The following RYR1 variants were observed in gnomAD, a reference collection of about 807,000 sequenced individuals.
RYR1 encodes the protein central core disease of muscle.
In RYR1, 342 loss-of-function variants were observed where a neutral mutation model predicts 583.5. The ratio of observed to expected loss-of-function variants is 0.59; its 90% CI spans 0.54 to 0.64. RYR1 has a LOEUF of 0.64. Among genes scored for constraint, RYR1 ranks in the 30% least tolerant of loss-of-function variants. The pLI is 0.00. For missense variants in RYR1, 6,032 were observed against 6,917.2 expected (o/e 0.87, Z 4.54); for synonymous variants, 2,791 against 2,822.5 (o/e 0.99, Z 0.35).
intron 84 of RYR1, 107 bp downstream of exon 84, chr19:38,538,067 C>A: frequency 9.9e-7 from 1 of 1,007,902 alleles, no homozygotes; most frequent in Non-Finnish European, 1.5e-6. Context: ...TCAATGATGG[C>A]CACTCTCCAG....
In RYR1 at chr19:38,565,378, G is replaced by T. The variant is rs794727985; in HGVS notation, c.13044G>T (p.Ala4348=). The stretch of plus-strand genomic sequence containing the variant: ...TGACGCGCGCTGGGGCCGCTGGCGC[G>T]GGGGCGGCGGCGGGCGCGCTGGGCC... ...AAVTRAGAAG[A]GAAAGALGLL... The change falls in exon 91 of 106, where the codon GCG becomes GCT. Residue 4348 remains alanine, a synonymous_variant. Transcript: ENST00000359596. The surrounding 1 kb of genome is among the most constrained non-coding windows in gnomAD (Gnocchi z 4.7). 1 of 1,341,874 alleles carries T rather than the reference G, an allele frequency of 7.5e-7. No homozygotes were observed. Among genetic ancestry groups the T allele is most frequent in the South Asian group, 2.0e-5 (1 of 51,232 alleles). The allele number at this position is 1,341,874 out of a possible 1,614,324, so 83.1% of individuals were successfully genotyped here.
chr19:38,503,670 G>A (rs1166264655), intron 49 of RYR1, among the ~76,000 whole-genome samples: 1 of 152,102 alleles, frequency 6.6e-6, no homozygotes, highest in Non-Finnish European at 1.5e-5. Context: ...CTACTCTGGA[G>A]GCTGAGGCTG....
chr19:38,525,803 C>G (rs1420254268), intron 71 of RYR1, among the ~76,000 whole-genome samples: 2 of 151,632 alleles, frequency 1.3e-5, no homozygotes, highest in Admixed American at 6.6e-5. Flanking sequence ...CACTGCCCCC[C>G]CACCGGACCA....
In RYR1 at chr19:38,443,588, C is replaced by T; in HGVS notation, c.301C>T (p.Leu101=). 6.2e-7 allele frequency: 1 copy of T among 1,614,098 alleles called. No homozygotes were observed. Among genetic ancestry groups the T allele is most frequent in the Non-Finnish European group, 8.5e-7 (1 of 1,179,996 alleles). The change falls in exon 4 of 106, where the codon CTG becomes TTG. Residue 101 remains leucine, a synonymous_variant. Coordinates refer to ENST00000359596, the MANE Select transcript of RYR1 (RefSeq NM_000540.3). ...CCAGGGCGGGGGACACAGGACGCTC[C>T]TGTATGGCCATGCCATCCTGCTCCG... ...SSQGGGHRTL[L]YGHAILLRHA...
At chr19:38,515,977 A>C in intron 64 of RYR1, 110 bp from the exon 65 acceptor site, 1 of 1,314,618 alleles carries the variant, frequency 7.6e-7, no homozygotes, top group Non-Finnish European at 1.0e-6. Flanking sequence ...GATGAATGGC[A>C]GCTCTGTCCC....
chr19:38,565,840 TGGGTGGAGACACACA>T lies in RYR1; in HGVS notation c.13437+70_13437+84del. On this transcript the variant is annotated intron_variant, in intron 91 of 105. Coordinates refer to ENST00000359596, the MANE Select transcript of RYR1 (RefSeq NM_000540.3). The surrounding 1 kb of genome is among the most constrained non-coding windows in gnomAD (Gnocchi z 4.7). The stretch of plus-strand genomic sequence containing the variant: ...ATTGGAGGGAGGAAGAGAGCCCGGC[TGGGTGGAGACACACA>T]CAGAGGAGAGAACTGGCTAGGGGGA... 4 of 1,345,484 alleles carry T rather than the reference TGGGTGGAGACACACA, an allele frequency of 3.0e-6. No individual in the cohort carries two copies. Among genetic ancestry groups the T allele is most frequent in the Non-Finnish European group, 3.8e-6 (4 of 1,053,568 alleles). The allele number at this position is 1,345,484 out of a possible 1,614,324, so 83.3% of individuals were successfully genotyped here. A position where few individuals can be genotyped will look rare whatever the true frequency, so the allele number is the denominator to read the frequency against.
chr19:38,496,304 A>G lies in RYR1; in HGVS notation c.6638A>G (p.Asn2213Ser). 8 of 1,614,022 alleles carry G rather than the reference A, an allele frequency of 5.0e-6. No individual in the cohort carries two copies. Among genetic ancestry groups the G allele is most frequent in the Non-Finnish European group, 6.8e-6 (8 of 1,180,024 alleles). Reference protein sequence around the residue: ...MHETVMEVMVNVLGGGESKEI... With the variant: ...MHETVMEVMVSVLGGGESKEI... ...GAGACGGTCATGGAGGTCATGGTCA[A>G]CGTCCTCGGGGGCGGCGAGTCCAAG... The change falls in exon 40 of 106, where the codon AAC becomes AGC. Residue 2213 changes from asparagine to serine, a missense_variant. Asn to Ser is a conservative substitution (Grantham distance 46, BLOSUM62 1). This residue lies in a region of RYR1 where 2,627 missense variants were observed against 2,961.3 expected (regional missense o/e 0.89). Transcript: ENST00000359596. The surrounding 1 kb of genome is among the most constrained non-coding windows in gnomAD (Gnocchi z 4.8).
chr19:38,515,927 C>T (rs373621075), intron 64 of RYR1, among the ~76,000 whole-genome samples, 160 bp from the exon 65 acceptor site: 40 of 152,114 alleles, frequency 2.6e-4, no homozygotes, highest in African/African-American at 9.2e-4. Context: ...AGTAACAGAG[C>T]GAGACCCTGT....
chr19:38,556,253 C>T (rs1398288247), intron 89 of RYR1, among the ~76,000 whole-genome samples: 5 of 151,770 alleles, frequency 3.3e-5, no homozygotes, highest in East Asian at 2.0e-4. Context: ...GAGGCCAAGG[C>T]GGGAGGATCA....
At chr19:38,493,427 A>G (rs1969645488) in intron 38 of RYR1, among the ~76,000 whole-genome samples, 1 of 152,102 alleles carries the variant, frequency 6.6e-6, no homozygotes. Context: ...ACTATGGGCC[A>G]GGCACTGTTA....
rs779289075 is a variant in RYR1 at position 38,504,737 on chromosome 19, G to A, written c.8068-11G>A. On this transcript the variant is annotated splice_polypyrimidine_tract_variant and intron_variant, in intron 50 of 105. Coordinates refer to ENST00000359596, the MANE Select transcript of RYR1 (RefSeq NM_000540.3). ...GCGACCTCCTACCCCTGCTTCACCC[G>A]GTTTTCCCAGAAATACGACCCGGAG... 2.5e-5 allele frequency: 40 copies of A among 1,613,754 alleles called. No individual in the cohort carries two copies. The highest frequency in any genetic ancestry group is 8.8e-5 in the South Asian group (8 of 91,062).
intron 33 of RYR1, among the ~76,000 whole-genome samples, chr19:38,485,200 T>G (rs1160274678): frequency 6.6e-6 from 1 of 152,216 alleles, no homozygotes; most frequent in East Asian, 1.9e-4. Flanking sequence ...CTACATGGAC[T>G]CTCAGACTCT....
chr19:38,486,195 C>CT lies in RYR1; in HGVS notation c.5540_5541insT (p.Leu1848ProfsTer10). On this transcript the variant is annotated frameshift_variant, in exon 34 of 106. Transcript: ENST00000359596. LOFTEE classifies it high-confidence loss of function. ...GTGCCTGTGCTCAAGCTCGTGTCCA[C>CT]CCTGCTGGTAATGGCTTCCTCCTGC... 1 of 1,612,932 alleles carries CT rather than the reference C, an allele frequency of 6.2e-7. No individual in the cohort carries two copies. Among genetic ancestry groups the CT allele is most frequent in the Non-Finnish European group, 8.5e-7 (1 of 1,179,956 alleles).
chr19:38,577,856 C>T, intron 97 of RYR1, 62 bp from the exon 98 acceptor site: 1 of 1,606,678 alleles, frequency 6.2e-7, no homozygotes, highest in African/African-American at 1.3e-5. Context: ...AACCCCCTTG[C>T]AGGCCACGAC....
In RYR1 at chr19:38,527,529, GAAGA is replaced by G. The variant is rs570321531; in HGVS notation, c.10687-114_10687-111del. The G allele has an allele frequency of 4.8e-4, 646 of 1,332,442 alleles. 4 individuals carry two copies. The South Asian group carries it at 6.2e-3, about 13-fold the overall frequency. The allele number at this position is 1,332,442 out of a possible 1,614,324, so 82.5% of individuals were successfully genotyped here. A position where few individuals can be genotyped will look rare whatever the true frequency, so the allele number is the denominator to read the frequency against. ...CGTCTCAAAACAAAAAGATGAAGAA[GAAGA>G]AAGGCCTCAACATGCACTCACCCAT... On this transcript the variant is annotated intron_variant, in intron 72 of 105. Coordinates refer to ENST00000359596, the MANE Select transcript of RYR1 (RefSeq NM_000540.3).
intron 97 of RYR1, among the ~76,000 whole-genome samples, chr19:38,577,313 G>A (rs911036705): frequency 6.6e-6 from 1 of 152,158 alleles, no homozygotes. Flanking sequence ...TGGCATATAG[G>A]AGAACACTAG....
chr19:38,568,852 G>T (rs367804611), intron 93 of RYR1, among the ~76,000 whole-genome samples: 2 of 152,212 alleles, frequency 1.3e-5, no homozygotes, highest in East Asian at 3.9e-4. Context: ...TGGAGGGAAA[G>T]GTGGAGAGAA....
Position 38,543,528 on chromosome 19 carries a change from C to T in RYR1, c.11779-4C>T, listed in dbSNP as rs1555794234. 11 of 1,614,190 alleles carry T rather than the reference C, an allele frequency of 6.8e-6. No homozygotes were observed. The highest frequency in any genetic ancestry group is 1.1e-5 in the South Asian group (1 of 91,082). ...CCCCCTCACACCCTACCCGCCCCCACCAGGAATCCATCAGCGACTTCTACT... is the reference window on the plus strand; with the variant it reads ...CCCCCTCACACCCTACCCGCCCCCATCAGGAATCCATCAGCGACTTCTACT... On this transcript the variant is annotated splice_region_variant and splice_polypyrimidine_tract_variant and intron_variant, in intron 85 of 105. Transcript: ENST00000359596. The surrounding 1 kb of genome is among the most constrained non-coding windows in gnomAD (Gnocchi z 4.4).
In RYR1 at chr19:38,499,799, C is replaced by T. The variant is rs751654689; in HGVS notation, c.7192C>T (p.Arg2398Cys). 3.2e-5 allele frequency: 52 copies of T among 1,604,672 alleles called. No homozygotes were observed. The highest frequency in any genetic ancestry group is 4.4e-5 in the South Asian group (4 of 90,712). The part of the protein sequence containing the change: ...EDPARDGPGI[R>C]RDRRREHFGE... ...CCCTGCGAGGGATGGCCCAGGCATC[C>T]GCAGGGACCGGCGGCGCGAGCAGTG... Residue 2398 changes from arginine (R) to cysteine (C), a missense_variant, in exon 44 of 106, where the codon CGC becomes TGC. This residue lies in a region of RYR1 where 2,627 missense variants were observed against 2,961.3 expected (regional missense o/e 0.89). Coordinates refer to ENST00000359596, the MANE Select transcript of RYR1 (RefSeq NM_000540.3). This position sits in a 1 kb window ranked among gnomAD's most constrained non-coding sequence, Gnocchi z 7.3.
Sources: allele counts gnomAD v4.1 joint callset (sites outside exome capture counted in the v4.1 genomes callset), GRCh38; gene constraint gnomAD v4.1.1; regional missense constraint gnomAD v4.1.1; non-coding constraint Gnocchi (gnomAD v3.1); transcripts MANE v1.5; gene names NCBI Gene and HGNC (gene_info 2026-07-23, HGNC 2026-07-21).